NIPBL: variants seen among roughly 807,000 people sequenced by gnomAD.
The protein encoded by NIPBL is NIPBL cohesin loading factor, also known as nipped-B-like protein.
Under a neutral mutation model 321.8 loss-of-function variants are expected in NIPBL, and 19 were observed. That is an observed-to-expected ratio of 0.06 (90% CI 0.04 to 0.09). The LOEUF is 0.09. NIPBL is among the 10% of genes least tolerant of loss of function. The pLI, the probability that NIPBL is intolerant of heterozygous loss-of-function variation, is 1.00. For synonymous variants in NIPBL, 1,106 were observed against 1,114.1 expected (o/e 0.99, Z 0.14); for missense variants, 2,210 against 3,327.0 (o/e 0.66, Z 8.26).
Position 36,952,018 on chromosome 5 carries a change from C to CTGTGTGTGTGTGTGTGTG in NIPBL, c.-79-1581_-79-1564dup, listed in dbSNP as rs60067315. On this transcript the variant is annotated intron_variant, in intron 1 of 46. Coordinates refer to ENST00000282516, the MANE Select transcript of NIPBL (RefSeq NM_133433.4). ...ATGCTTACTTTATAACTCTGTTAAA[C>CTGTGTGTGTGTGTGTGTG]TGTGTGTGTGTGTGTGTGTGTGTGT... Among the ~76,000 whole-genome samples the CTGTGTGTGTGTGTGTGTG allele has an allele frequency of 1.2e-3, 124 of 101,904 alleles. 1 individual carries two copies. The highest frequency in any genetic ancestry group is 2.6e-3 in the African/African-American group (66 of 24,912). 66.9% of individuals were successfully genotyped at this position (101,904 alleles called of 152,430 possible).
rs762160942 is a variant in NIPBL, at chr5:37,045,433, T to C, written c.6344-10T>C. 1.1e-5 allele frequency: 17 copies of C among 1,578,044 alleles called. No homozygotes were observed. Among genetic ancestry groups the C allele is most frequent in the South Asian group, 5.6e-5 (5 of 89,600 alleles). ...AAATATTATAAGTAAATATTACTTA[T>C]CTTTATTAGGTGCCATTTCAAAATT... On this transcript the variant is annotated splice_polypyrimidine_tract_variant and intron_variant, in intron 36 of 46. Coordinates refer to ENST00000282516, the MANE Select transcript of NIPBL (RefSeq NM_133433.4).
At chr5:36,980,987 G>A (rs1326934489) in intron 9 of NIPBL, among the ~76,000 whole-genome samples, 1 of 151,606 alleles carries the variant, frequency 6.6e-6, no homozygotes, top group South Asian at 2.1e-4. Flanking sequence ...TTCTGAAGTG[G>A]TGGTTTTAGA....
rs1471687534 is a variant in NIPBL, at chr5:37,049,318, G to T, written c.6954+17G>T. ...CCAGTTCAGGTAAGCATGTTTTATGGCAGCAGCACTTACTAAAAGAGCAAG... is the reference window on the plus strand; with the variant it reads ...CCAGTTCAGGTAAGCATGTTTTATGTCAGCAGCACTTACTAAAAGAGCAAG... On this transcript the variant is annotated intron_variant, in intron 40 of 46. Coordinates refer to ENST00000282516, the MANE Select transcript of NIPBL (RefSeq NM_133433.4). 6.2e-7 allele frequency: 1 copy of T among 1,612,584 alleles called. No individual in the cohort carries two copies. The highest frequency in any genetic ancestry group is 1.1e-5 in the South Asian group (1 of 91,054).
chr5:36,925,204 A>G (rs940681547), intron 1 of NIPBL, among the ~76,000 whole-genome samples: 3 of 152,076 alleles, frequency 2.0e-5, no homozygotes, highest in Admixed American at 6.6e-5. Flanking sequence ...ACTCTTTTCT[A>G]GTATATCATA....
chr5:36,917,440 C>T (rs905734959), intron 1 of NIPBL, among the ~76,000 whole-genome samples: 2 of 152,124 alleles, frequency 1.3e-5, no homozygotes, highest in African/African-American at 4.8e-5. Context: ...CTGTAGGTTG[C>T]CTCTTCACTC....
At chr5:36,924,024 C>G (rs1207659684) in intron 1 of NIPBL, among the ~76,000 whole-genome samples, 6 of 152,138 alleles carry the variant, frequency 3.9e-5, no homozygotes, top group Admixed American at 3.3e-4. Flanking sequence ...CACATTGTTG[C>G]TTTCCACTAA....
At chr5:36,991,509 C>T (rs1471354348) in intron 10 of NIPBL, among the ~76,000 whole-genome samples, 4 of 151,744 alleles carry the variant, frequency 2.6e-5, no homozygotes, top group Non-Finnish European at 5.9e-5. Flanking sequence ...TTTTTCTCAC[C>T]GTGTATACAT....
At position 36,986,309 on chromosome 5, in the gene NIPBL, TA is replaced by T; in HGVS notation, c.3121+9del. On this transcript the variant is annotated intron_variant, in intron 10 of 46. Coordinates refer to ENST00000282516, the MANE Select transcript of NIPBL (RefSeq NM_133433.4). ...CATCAAAGTCAAATAAAGGTAAGAATACTTCTACTGATGTCATTTATAATAT... is the reference window on the plus strand; with the variant it reads ...CATCAAAGTCAAATAAAGGTAAGAATCTTCTACTGATGTCATTTATAATAT... 6.8e-7 allele frequency: 1 copy of T among 1,472,794 alleles called. No individual in the cohort carries two copies. Among genetic ancestry groups the T allele is most frequent in the Non-Finnish European group, 9.0e-7 (1 of 1,107,340 alleles). 91.2% of individuals were successfully genotyped at this position (1,472,794 alleles called of 1,614,324 possible). A position where few individuals can be genotyped will look rare whatever the true frequency, so the allele number is the denominator to read the frequency against.
At chr5:36,946,730 CA>C (rs1284652463) in intron 1 of NIPBL, among the ~76,000 whole-genome samples, 1 of 152,018 alleles carries the variant, frequency 6.6e-6, no homozygotes, top group Admixed American at 6.6e-5. Flanking sequence ...ATGTTATAAT[CA>C]CACAAGGTGA....
chr5:36,958,695 T>C (rs1333705178), intron 4 of NIPBL, among the ~76,000 whole-genome samples: 1 of 151,970 alleles, frequency 6.6e-6, no homozygotes, highest in Non-Finnish European at 1.5e-5. Flanking sequence ...TAAAGAAAAA[T>C]TGATTCATGG....
chr5:37,012,185 CTG>C (rs1748213163), intron 21 of NIPBL, among the ~76,000 whole-genome samples: 1 of 147,888 alleles, frequency 6.8e-6, no homozygotes, highest in Non-Finnish European at 1.5e-5. Flanking sequence ...GGGTCTCACT[CTG>C]TTGCCCAGGC....
chr5:36,973,313 G>A (rs1247054541), intron 8 of NIPBL, among the ~76,000 whole-genome samples: 1 of 150,484 alleles, frequency 6.6e-6, no homozygotes, highest in African/African-American at 2.4e-5. Context: ...TATTTATCAA[G>A]GACATTTTTC....
At chr5:36,987,436 T>G (rs1451830011) in intron 10 of NIPBL, among the ~76,000 whole-genome samples, 2 of 152,290 alleles carry the variant, frequency 1.3e-5, no homozygotes, top group East Asian at 1.9e-4. Flanking sequence ...AAACAGAACA[T>G]TTGCATCATC....
At chr5:37,027,265 A>G (rs1750389509) in intron 31 of NIPBL, 94 bp from the exon 32 acceptor site, 1 of 993,960 alleles carries the variant, frequency 1.0e-6, no homozygotes, top group South Asian at 1.4e-5. Context: ...AATTGAGAAA[A>G]TTGAAACATG....
At chr5:37,023,024 T>C (rs1334149906) in intron 29 of NIPBL, among the ~76,000 whole-genome samples, 2 of 152,220 alleles carry the variant, frequency 1.3e-5, no homozygotes, top group African/African-American at 4.8e-5. Context: ...TGCAGGCATA[T>C]TGACTTATTG....
chr5:36,979,449 A>C (rs1045750819), intron 9 of NIPBL, among the ~76,000 whole-genome samples: 2 of 151,782 alleles, frequency 1.3e-5, no homozygotes, highest in African/African-American at 4.8e-5. Flanking sequence ...TGTATCCTAA[A>C]GCTTTATTGA....
rs35701604 is a variant in NIPBL at position 37,021,831 on chromosome 5, T to C, written c.5329-220T>C. 0.14 allele frequency among the ~76,000 whole-genome samples: 21,620 copies of C among 152,220 alleles called. 1,903 individuals carry two copies. Among genetic ancestry groups the C allele is most frequent in the East Asian group, 0.31 (1,611 of 5,176 alleles). ...CAAAACAATTAAAAAACAGGTTTAA[T>C]TGGATAAACGAAAGGCTCCAAAGTA... On this transcript the variant is annotated intron_variant, in intron 27 of 46. Transcript: ENST00000282516.
rs62654863 is a variant in NIPBL at position 37,010,346 on chromosome 5, C to T, written c.4560+121C>T. 88,056 of 801,814 alleles carry T rather than the reference C, an allele frequency of 0.11. 5,331 individuals are homozygous for T. Among genetic ancestry groups the T allele is most frequent in the Admixed American group, 0.21 (8,658 of 41,732 alleles). The allele number at this position is 801,814 out of a possible 1,614,324, so 49.7% of individuals were successfully genotyped here. A position where few individuals can be genotyped will look rare whatever the true frequency, so the allele number is the denominator to read the frequency against. ...CTTTCTTTTTTTTGAGACGGAGTCT[C>T]GCTCTGTCACCCAGGCTGGAGTGCA... On this transcript the variant is annotated intron_variant, in intron 21 of 46. Coordinates refer to ENST00000282516, the MANE Select transcript of NIPBL (RefSeq NM_133433.4).
chr5:37,014,574 C>T (rs980304695), intron 21 of NIPBL, 109 bp from the exon 22 acceptor site: 5 of 694,454 alleles, frequency 7.2e-6, no homozygotes, highest in Non-Finnish European at 1.3e-5. Flanking sequence ...ATAGTTTAAG[C>T]ATTTTAGTAT....
Sources: gnomAD v4.1 joint callset for allele counts (sites outside exome capture counted in the v4.1 genomes callset) on GRCh38, gnomAD v4.1.1 for gene constraint, MANE v1.5 for transcripts, NCBI Gene and HGNC (gene_info 2026-07-23, HGNC 2026-07-21) for gene names.